Variants in GULP1 observed in about 807,000 individuals in gnomAD.
GULP1 encodes the protein GULP PTB domain containing engulfment adaptor 1.
GULP1 carries 19 observed loss-of-function variants against 40.9 expected under a neutral mutation model. That is an observed-to-expected ratio of 0.46 (90% CI 0.32 to 0.68). GULP1 has a LOEUF of 0.68. GULP1 is among the 30% of genes least tolerant of loss of function. The probability of loss-of-function intolerance (pLI) is 0.03; values close to 1 mark genes in which losing one functional copy is unlikely to be tolerated. For missense variants in GULP1, 312 were observed against 362.2 expected, an observed-to-expected ratio of 0.86 and a Z score of 1.12; for synonymous variants, 119 against 117.6, an observed-to-expected ratio of 1.01 and a Z score of -0.08.
intron 9 of GULP1, among the ~76,000 whole-genome samples, chr2:188,577,426 C>T (rs983563529): frequency 6.6e-6 from 1 of 152,038 alleles, no homozygotes; most frequent in Non-Finnish European, 1.5e-5. Flanking sequence ...TAAACAAAGG[C>T]ATAAATTTTA....
At chr2:188,460,423 CT>C (rs58423265) in intron 2 of GULP1, among the ~76,000 whole-genome samples, 37 of 143,656 alleles carry the variant, frequency 2.6e-4, no homozygotes, top group African/African-American at 4.1e-4. Context: ...AATGGGAATT[CT>C]TTTTTTTTTT....
Position 188,310,946 on chromosome 2 carries a change from A to T in GULP1, c.-172+18780A>T, listed in dbSNP as rs558174339. Among the ~76,000 whole-genome samples, 9 of 152,336 alleles carry T rather than the reference A, an allele frequency of 5.9e-5. No homozygotes were observed. The South Asian group carries it at 1.9e-3, about 32-fold the overall frequency. ...ATAGGACTTAACTGTGTTAAAGATGAAATTGTATCTAATATTTGTCAGATA... is the reference window on the plus strand; with the variant it reads ...ATAGGACTTAACTGTGTTAAAGATGTAATTGTATCTAATATTTGTCAGATA... On this transcript the variant is annotated intron_variant, in intron 1 of 11. Transcript: ENST00000409830.
chr2:188,368,978 T>TA (rs2047233094), intron 1 of GULP1, among the ~76,000 whole-genome samples: 4 of 124,942 alleles, frequency 3.2e-5, no homozygotes, highest in South Asian at 2.6e-4. Context: ...TATATATATA[T>TA]TTGAGACAGA....
intron 2 of GULP1, among the ~76,000 whole-genome samples, chr2:188,438,662 T>C (rs2057650561): frequency 7.2e-6 from 1 of 139,334 alleles, no homozygotes. Context: ...ACATAGAATA[T>C]ATATATCACA....
chr2:188,490,755 A>T (rs888685622), intron 4 of GULP1, among the ~76,000 whole-genome samples: 6 of 152,052 alleles, frequency 3.9e-5, no homozygotes, highest in Non-Finnish European at 7.4e-5. Flanking sequence ...GAACATATTT[A>T]TCATTTATTT....
At chr2:188,396,442 C>T (rs75871557) in intron 2 of GULP1, among the ~76,000 whole-genome samples, 3,428 of 152,250 alleles carry the variant, frequency 0.023, 139 homozygotes, top group African/African-American at 0.078. Flanking sequence ...ATATGCGGAG[C>T]GGGGAGTAAC....
chr2:188,323,674 GTGTGTGTGTGTGTGTA>G lies in GULP1; in HGVS notation c.-172+31516_-172+31531del, dbSNP rs777803077. Among the ~76,000 whole-genome samples the G allele has an allele frequency of 9.4e-3, 1,045 of 111,706 alleles. 9 individuals carry two copies. Among genetic ancestry groups the G allele is most frequent in the Admixed American group, 0.021 (237 of 11,410 alleles). The allele number at this position is 111,706 out of a possible 152,430, so 73.3% of individuals were successfully genotyped here. A position where few individuals can be genotyped will look rare whatever the true frequency, so the allele number is the denominator to read the frequency against. ...TATGTGTGTGTGTGTGTGTGTGTGT[GTGTGTGTGTGTGTGTA>G]TGTGTGTACAAAGTTAGGGAAAGGG... On this transcript the variant is annotated intron_variant, in intron 1 of 11. Coordinates refer to ENST00000409830, the MANE Select transcript of GULP1 (RefSeq NM_016315.4).
chr2:188,478,596 A>C (rs2061215000), intron 3 of GULP1, among the ~76,000 whole-genome samples: 2 of 152,236 alleles, frequency 1.3e-5, no homozygotes, highest in South Asian at 4.1e-4. Context: ...AAAAATGACA[A>C]GTTAGGCCTT....
chr2:188,519,834 G>A (rs769890968), intron 4 of GULP1, among the ~76,000 whole-genome samples: 5 of 152,006 alleles, frequency 3.3e-5, no homozygotes, highest in Non-Finnish European at 5.9e-5. Flanking sequence ...AATTGAGACA[G>A]GGCCTCACTG....
chr2:188,483,322 A>G, intron 3 of GULP1, 109 bp from the exon 4 acceptor site: 1 of 485,068 alleles, frequency 2.1e-6, no homozygotes, highest in Non-Finnish European at 3.8e-6. Context: ...TTTGGCAAAG[A>G]ATCTCAGAAT....
chr2:188,427,797 A>G (rs1297720805), intron 2 of GULP1, among the ~76,000 whole-genome samples: 1 of 152,232 alleles, frequency 6.6e-6, no homozygotes, highest in Non-Finnish European at 1.5e-5. Flanking sequence ...TGTGTGGTTG[A>G]AGCCCCCACA....
rs1363260895 is a variant in GULP1, at chr2:188,594,901, T to G, written c.*890T>G. 6.6e-6 allele frequency: 1 copy of G among 151,736 alleles called. No individual in the cohort carries two copies. The highest frequency in any genetic ancestry group is 3.2e-3 in the Middle Eastern group (1 of 316). 9.4% of individuals were successfully genotyped at this position (151,736 alleles called of 1,614,324 possible). ...CTGCATAAGGACTACTCTTCTCATA[T>G]TTTCTTCTTTGATGAAGATATTTTT... On this transcript the variant is annotated 3_prime_UTR_variant, in exon 12 of 12. Transcript: ENST00000409830.
chr2:188,407,650 A>G (rs1410030219), intron 2 of GULP1, among the ~76,000 whole-genome samples: 1 of 152,188 alleles, frequency 6.6e-6, no homozygotes, highest in Non-Finnish European at 1.5e-5. Flanking sequence ...TAAATGCACA[A>G]ATAAGAAAAA....
chr2:188,509,130 C>G (rs2064236351), intron 4 of GULP1, among the ~76,000 whole-genome samples: 1 of 151,958 alleles, frequency 6.6e-6, no homozygotes, highest in African/African-American at 2.4e-5. Flanking sequence ...GGAACAGTGC[C>G]TGGTACACAG....
rs114875643 is a variant in GULP1, at chr2:188,461,275, A to G, written c.-44-16384A>G. Among the ~76,000 whole-genome samples the G allele has an allele frequency of 4.4e-3, 673 of 151,338 alleles. 2 individuals are homozygous for G. Among genetic ancestry groups the G allele is most frequent in the Admixed American group, 0.011 (165 of 15,206 alleles). On this transcript the variant is annotated intron_variant, in intron 2 of 11. Transcript: ENST00000409830. ...CTTCTTTAAATGTTTGGTAGAATTC[A>G]ACAGTGAAGCCATTGGGTCCTGGGC...
rs1376802802 is a variant in GULP1, at chr2:188,292,576, C to T, written c.-172+410C>T. The stretch of plus-strand genomic sequence containing the variant: ...GCGGTGGGGAAACCGTGGATCCGTC[C>T]GGCTGAGGGTGCGTGGATCAGACTG... On this transcript the variant is annotated intron_variant, in intron 1 of 11. Coordinates refer to ENST00000409830, the MANE Select transcript of GULP1 (RefSeq NM_016315.4). The surrounding 1 kb of genome is among the most constrained non-coding windows in gnomAD (Gnocchi z 4.0). Among the ~76,000 whole-genome samples, 1 of 152,072 alleles carries T rather than the reference C, an allele frequency of 6.6e-6. No individual in the cohort carries two copies. The highest frequency in any genetic ancestry group is 2.4e-5 in the African/African-American group (1 of 41,412).
chr2:188,494,624 C>T (rs937666171), intron 4 of GULP1, among the ~76,000 whole-genome samples: 2 of 151,944 alleles, frequency 1.3e-5, no homozygotes, highest in South Asian at 2.1e-4. Flanking sequence ...CTTCCAGTTC[C>T]GATGCTGCTC....
chr2:188,406,911 A>G (rs562307404), intron 2 of GULP1, among the ~76,000 whole-genome samples: 1 of 152,272 alleles, frequency 6.6e-6, no homozygotes, highest in East Asian at 1.9e-4. Flanking sequence ...GAAAAATGAA[A>G]AATCTCTAAT....
At chr2:188,463,273 A>G (rs1250872807) in intron 2 of GULP1, among the ~76,000 whole-genome samples, 1 of 152,096 alleles carries the variant, frequency 6.6e-6, no homozygotes, top group African/African-American at 2.4e-5. Flanking sequence ...TTTGAAAGAT[A>G]TTTTTGCCAT....
Sources: gnomAD v4.1 joint callset for allele counts (sites outside exome capture counted in the v4.1 genomes callset) on GRCh38, gnomAD v4.1.1 for gene constraint, Gnocchi (gnomAD v3.1) non-coding constraint, MANE v1.5 for transcripts, NCBI Gene and HGNC (gene_info 2026-07-23, HGNC 2026-07-21) for gene names.